PPT1: variants seen among roughly 807,000 people sequenced by gnomAD.
The protein encoded by PPT1 is ceroid-palmitoyl-palmitoyl-protein thioesterase 1.
PPT1 carries 24 observed loss-of-function variants against 44.0 expected under a neutral mutation model. That is an observed-to-expected ratio of 0.54 (90% confidence interval 0.39 to 0.77). The LOEUF (loss-of-function observed/expected upper bound fraction) is 0.77. PPT1 is among the 30% of genes least tolerant of loss of function. The pLI is 0.00. For missense variants in PPT1, 341 were observed against 378.8 expected (o/e 0.90, Z 0.83); for synonymous variants, 148 against 140.2 (o/e 1.06, Z -0.39).
intron 5 of PPT1, among the ~76,000 whole-genome samples, chr1:40,081,557 AATAAATAAATAG>A (rs1484035442): frequency 4.1e-5 from 3 of 72,940 alleles, no homozygotes; most frequent in Non-Finnish European, 5.9e-5. Context: ...TAAATAAATA[AATAAATAAATAG>A]AAAATAAAAT....
In PPT1 at chr1:40,079,758, C is replaced by T. The variant is rs557368266; in HGVS notation, c.627+639G>A. The stretch of plus-strand genomic sequence containing the variant: ...TGCCACTGAGCATGGCATACAGGTA[C>T]AACTATGAGTTTACACCACACTCCA... On this transcript the variant is annotated intron_variant, in intron 6 of 8. Coordinates refer to ENST00000642050, the MANE Select transcript of PPT1 (RefSeq NM_000310.4). 3.7e-4 allele frequency among the ~76,000 whole-genome samples: 57 copies of T among 152,324 alleles called. 1 individual carries two copies. The highest frequency in any genetic ancestry group is 8.3e-4 in the South Asian group (4 of 4,830).
intron 5 of PPT1, among the ~76,000 whole-genome samples, chr1:40,088,259 G>A (rs1649368069): frequency 6.6e-6 from 1 of 150,980 alleles, no homozygotes; most frequent in East Asian, 2.0e-4. Context: ...TGATTCTCCT[G>A]CCTCAGCCTC....
intron 1 of PPT1, among the ~76,000 whole-genome samples, chr1:40,093,769 C>T (rs200534629): frequency 2.6e-5 from 4 of 150,958 alleles, no homozygotes; most frequent in Admixed American, 2.0e-4. Context: ...TCTGTAGTCC[C>T]GCTACTTGGG....
intron 5 of PPT1, among the ~76,000 whole-genome samples, chr1:40,089,085 G>C (rs1419539384): frequency 6.6e-6 from 1 of 151,856 alleles, no homozygotes; most frequent in Non-Finnish European, 1.5e-5. Flanking sequence ...TCGGGAAGTT[G>C]GAGACCAGCC....
intron 8 of PPT1, among the ~76,000 whole-genome samples, chr1:40,075,999 A>G (rs1648608532): frequency 6.9e-6 from 1 of 144,146 alleles, no homozygotes; most frequent in Non-Finnish European, 1.5e-5. Context: ...AAATCCTTAA[A>G]GTGTAGAAGG....
chr1:40,088,296 G>A (rs535596622), intron 5 of PPT1, among the ~76,000 whole-genome samples: 22 of 152,158 alleles, frequency 1.4e-4, no homozygotes, highest in African/African-American at 4.8e-4. Flanking sequence ...ACAGGCGTGC[G>A]CCACCACGCC....
At chr1:40,087,738 T>C (rs914637263) in intron 5 of PPT1, among the ~76,000 whole-genome samples, 1 of 152,014 alleles carries the variant, frequency 6.6e-6, no homozygotes, top group East Asian at 1.9e-4. Context: ...TGCAAATCCA[T>C]GAGAACAGAG....
At chr1:40,081,456 G>A (rs1648934258) in intron 5 of PPT1, among the ~76,000 whole-genome samples, 1 of 152,066 alleles carries the variant, frequency 6.6e-6, no homozygotes, top group Non-Finnish European at 1.5e-5. Context: ...AGAATCGCTT[G>A]AACCTGGGAA....
intron 6 of PPT1, 100 bp downstream of exon 6, chr1:40,080,297 G>T: frequency 1.6e-6 from 2 of 1,246,594 alleles, no homozygotes; most frequent in East Asian, 2.3e-5. Flanking sequence ...CCTAGTGTCT[G>T]CCCAGGACAG....
In PPT1 at chr1:40,080,405, G is replaced by A; in HGVS notation, c.619C>T (p.Gln207Ter). Reference sequence around the variant, plus strand: ...CCGGTTTGGGTGCTTACCCGCTCCTGATTTATATCTGCCAAGAAGATGCTG... The same window carrying A: ...CCGGTTTGGGTGCTTACCCGCTCCTAATTTATATCTGCCAAGAAGATGCTG... ...NHSIFLADINQERGINESYKK... is the reference protein window; with the variant it reads ...NHSIFLADIN The change falls in exon 6 of 9, where the codon CAG (glutamine) becomes TAG (stop). Residue 207 changes from glutamine to a stop codon, truncating the protein, a stop_gained. Transcript: ENST00000642050. LOFTEE classifies it high-confidence loss of function. The A allele has an allele frequency of 6.2e-7, 1 of 1,613,878 alleles. No homozygotes were observed. The highest frequency in any genetic ancestry group is 8.5e-7 in the Non-Finnish European group (1 of 1,179,844).
At chr1:40,076,460 G>A (rs777551221) in intron 8 of PPT1, among the ~76,000 whole-genome samples, 4 of 151,940 alleles carry the variant, frequency 2.6e-5, no homozygotes, top group Non-Finnish European at 5.9e-5. Context: ...GCGAGACCCC[G>A]TCTCAAAGAA....
chr1:40,093,610 G>C (rs748133012), intron 1 of PPT1, among the ~76,000 whole-genome samples: 5 of 152,106 alleles, frequency 3.3e-5, no homozygotes, highest in Non-Finnish European at 5.9e-5. Flanking sequence ...ACAGGAGCTG[G>C]GTGTCATGGC....
rs776672029 is a variant in PPT1 at position 40,092,180 on chromosome 1, A to C, written c.235-8T>G. On this transcript the variant is annotated splice_polypyrimidine_tract_variant and splice_region_variant and intron_variant, in intron 2 of 8. Transcript: ENST00000642050. ...GAAGCTGTTCTCCACGTCCTAAAAA[A>C]GAAGCCAGAGAGAAGTGAGAGGATG... is the stretch of plus-strand genomic sequence containing the variant. 1 of 1,614,190 alleles carries C rather than the reference A, an allele frequency of 6.2e-7. No homozygotes were observed. The highest frequency in any genetic ancestry group is 1.1e-5 in the South Asian group (1 of 91,086).
intron 7 of PPT1, 31 bp downstream of exon 7, chr1:40,078,529 C>T (rs377143240): frequency 2.5e-6 from 4 of 1,590,512 alleles, no homozygotes; most frequent in Non-Finnish European, 3.5e-6. Context: ...GCCATTTACT[C>T]TCCTGGCATG....
intron 7 of PPT1, 122 bp downstream of exon 7, chr1:40,078,438 G>A (rs933604252): frequency 7.5e-6 from 7 of 931,376 alleles, no homozygotes; most frequent in Non-Finnish European, 1.2e-5. Flanking sequence ...CTGACCTCAG[G>A]TGATCCACCC....
chr1:40,092,365 AC>A (rs1431397125), intron 2 of PPT1, 32 bp downstream of exon 2: 2 of 1,556,316 alleles, frequency 1.3e-6, no homozygotes, highest in East Asian at 4.5e-5. Context: ...TCAGTCAGCA[AC>A]CCTTCAAAGG....
chr1:40,080,605 G>A, intron 5 of PPT1, 118 bp from the exon 6 acceptor site: 1 of 933,602 alleles, frequency 1.1e-6, no homozygotes, highest in Non-Finnish European at 1.7e-6. Flanking sequence ...GCCAGGCACA[G>A]TGGCTCACAC....
intron 4 of PPT1, 100 bp from the exon 5 acceptor site, chr1:40,089,612 C>T (rs1649450360): frequency 1.2e-6 from 1 of 850,972 alleles, no homozygotes; most frequent in Non-Finnish European, 2.0e-6. Context: ...CAGGACCAAA[C>T]TCTGATTTCA....
chr1:40,082,076 C>T (rs1476755697), intron 5 of PPT1: 2 of 152,254 alleles, frequency 1.3e-5, no homozygotes, highest in South Asian at 2.1e-4. Context: ...CCTTCCAGCC[C>T]CCACCTCCTC....
Sources: gnomAD v4.1 joint callset for allele counts (sites outside exome capture counted in the v4.1 genomes callset) on GRCh38, gnomAD v4.1.1 for gene constraint, MANE v1.5 for transcripts, NCBI Gene and HGNC (gene_info 2026-07-23, HGNC 2026-07-21) for gene names.